B3GALT1: variants seen among roughly 807,000 people sequenced by gnomAD.
B3GALT1 encodes the protein beta-1,3-galactosyltransferase 1, also known as UDP-Gal:betaGlcNAc beta 1,3-galactosyltransferase, polypeptide 1.
A neutral mutation model predicts 23.2 loss-of-function variants in B3GALT1; 10 were observed. That is an observed-to-expected ratio of 0.43 (90% CI 0.27 to 0.73). The LOEUF is 0.73. Ranked by LOEUF, B3GALT1 falls within the 30% of genes least tolerant of loss-of-function variation. The probability of loss-of-function intolerance (pLI) is 0.21; values close to 1 mark genes in which losing one functional copy is unlikely to be tolerated. For synonymous variants in B3GALT1, 156 were observed against 141.5 expected, an observed-to-expected ratio of 1.10 and a Z score of -0.73; for missense variants, 299 against 405.4, an observed-to-expected ratio of 0.74 and a Z score of 2.25.
intron 1 of B3GALT1, among the ~76,000 whole-genome samples, chr2:167,333,264 T>G: frequency 6.6e-6 from 1 of 152,134 alleles, no homozygotes; most frequent in East Asian, 1.9e-4. Context: ...AACCCTAAAG[T>G]AATTATGCAG....
rs199980384 is a variant in B3GALT1, at chr2:167,429,567, A to AT, written c.-510-60601dup. Reference sequence around the variant, plus strand: ...GGGTAAATTATCTCAAATAGTGAAAATTTTTTTTTATTTAAAAGAAAAAAT... The same window carrying AT: ...GGGTAAATTATCTCAAATAGTGAAAATTTTTTTTTTATTTAAAAGAAAAAAT... On this transcript the variant is annotated intron_variant, in intron 1 of 4. Transcript: ENST00000392690. Among the ~76,000 whole-genome samples, 720 of 151,906 alleles carry AT rather than the reference A, an allele frequency of 4.7e-3. 5 individuals carry two copies. The highest frequency in any genetic ancestry group is 0.018 in the East Asian group (92 of 5,172).
At chr2:167,550,098 C>T (rs1463174242) in intron 2 of B3GALT1, among the ~76,000 whole-genome samples, 5 of 152,090 alleles carry the variant, frequency 3.3e-5, no homozygotes, top group African/African-American at 9.7e-5. Context: ...CTACGTTAAC[C>T]GTAACAGTTG....
At chr2:167,512,878 G>C (rs1031194831) in intron 2 of B3GALT1, among the ~76,000 whole-genome samples, 1 of 148,054 alleles carries the variant, frequency 6.8e-6, no homozygotes, top group Non-Finnish European at 1.5e-5. Context: ...TTATGAGCTC[G>C]TGTGATCTGC....
At chr2:167,601,054 CGTTTGTTT>C (rs112358987) in intron 2 of B3GALT1, among the ~76,000 whole-genome samples, 8,600 of 151,874 alleles carry the variant, frequency 0.057, 597 homozygotes, top group African/African-American at 0.16. Context: ...CTAGATCCTC[CGTTTGTTT>C]GTTTGTTTGT....
chr2:167,865,282 G>C (rs867367617), intron 4 of B3GALT1, among the ~76,000 whole-genome samples: 1 of 152,114 alleles, frequency 6.6e-6, no homozygotes, highest in Non-Finnish European at 1.5e-5. Context: ...GGTGGTGCAC[G>C]CCTGTAATCC....
At chr2:167,769,372 G>A (rs1688033520) in intron 3 of B3GALT1, among the ~76,000 whole-genome samples, 1 of 152,158 alleles carries the variant, frequency 6.6e-6, no homozygotes, top group South Asian at 2.1e-4. Context: ...ATCAATCTCA[G>A]TGCCTTCTTT....
intron 1 of B3GALT1, among the ~76,000 whole-genome samples, chr2:167,380,496 C>A (rs538217213): frequency 6.6e-6 from 1 of 152,250 alleles, no homozygotes; most frequent in East Asian, 1.9e-4. Flanking sequence ...GCTGTGGAAG[C>A]CCCTATTCCA....
chr2:167,459,419 C>T (rs1231902444), intron 1 of B3GALT1, among the ~76,000 whole-genome samples: 2 of 152,122 alleles, frequency 1.3e-5, no homozygotes, highest in Non-Finnish European at 2.9e-5. Context: ...CAACCCTTTT[C>T]CTGTTGTTGA....
intron 2 of B3GALT1, among the ~76,000 whole-genome samples, chr2:167,579,430 G>GTTTTTTTT (rs1553469287): frequency 9.4e-5 from 6 of 63,628 alleles, no homozygotes; most frequent in African/African-American, 3.6e-4. Flanking sequence ...GTTTTTTTTT[G>GTTTTTTTT]TCTTTTTTTT....
intron 2 of B3GALT1, among the ~76,000 whole-genome samples, chr2:167,515,652 G>A (rs923418585): frequency 6.6e-6 from 1 of 151,938 alleles, no homozygotes; most frequent in South Asian, 2.1e-4. Flanking sequence ...TGTATATTTT[G>A]TTTTGATCTT....
chr2:167,591,039 A>C (rs1381880864), intron 2 of B3GALT1, among the ~76,000 whole-genome samples: 2 of 152,222 alleles, frequency 1.3e-5, no homozygotes, highest in African/African-American at 4.8e-5. Context: ...TGAACAAAAC[A>C]GGCCAAAATC....
chr2:167,753,958 C>T (rs1487847424), intron 3 of B3GALT1, among the ~76,000 whole-genome samples: 2 of 152,162 alleles, frequency 1.3e-5, no homozygotes, highest in African/African-American at 4.8e-5. Context: ...AGACAATGAA[C>T]TGTTATTATG....
chr2:167,383,870 A>G (rs1240711118), intron 1 of B3GALT1, among the ~76,000 whole-genome samples: 1 of 152,196 alleles, frequency 6.6e-6, no homozygotes, highest in Non-Finnish European at 1.5e-5. Flanking sequence ...CTTCTTCCGC[A>G]TTTCAAGTTT....
At chr2:167,793,243 G>A (rs776506585) in intron 3 of B3GALT1, among the ~76,000 whole-genome samples, 5 of 152,074 alleles carry the variant, frequency 3.3e-5, no homozygotes, top group Non-Finnish European at 7.4e-5. Context: ...AGGGAGCATC[G>A]TGCACCTAGT....
chr2:167,857,706 G>C (rs1690023713), intron 4 of B3GALT1, among the ~76,000 whole-genome samples: 1 of 151,988 alleles, frequency 6.6e-6, no homozygotes, highest in African/African-American at 2.4e-5. Flanking sequence ...TACTAATTTA[G>C]GAAAATTGTA....
At chr2:167,786,857 A>G (rs1259292288) in intron 3 of B3GALT1, among the ~76,000 whole-genome samples, 1 of 152,190 alleles carries the variant, frequency 6.6e-6, no homozygotes, top group Non-Finnish European at 1.5e-5. Context: ...TCCATGCGTG[A>G]GTCCATTCCC....
chr2:167,406,595 T>C (rs565235493), intron 1 of B3GALT1, among the ~76,000 whole-genome samples: 6 of 152,268 alleles, frequency 3.9e-5, no homozygotes, highest in Non-Finnish European at 5.9e-5. Flanking sequence ...CCCCACCTTC[T>C]TGGGTTCCCA....
At chr2:167,710,061 A>G (rs1165907553) in intron 3 of B3GALT1, among the ~76,000 whole-genome samples, 1 of 152,200 alleles carries the variant, frequency 6.6e-6, no homozygotes, top group African/African-American at 2.4e-5. Flanking sequence ...AATTATTCAA[A>G]TAAAGGAAAG....
chr2:167,869,887 G>A lies in B3GALT1; in HGVS notation c.848G>A (p.Ser283Asn), dbSNP rs1396621571. ...CTGGGCATACATCCTTTCCAGAACAGTGGCTTCAATCACTGGAAAATGGCC... is the reference window on the plus strand; with the variant it reads ...CTGGGCATACATCCTTTCCAGAACAATGGCTTCAATCACTGGAAAATGGCC... ...RKLGIHPFQNSGFNHWKMAYS... is the reference protein window; with the variant it reads ...RKLGIHPFQNNGFNHWKMAYS... Residue 283 changes from serine to asparagine, a missense_variant, in exon 5 of 5, where the codon AGT becomes AAT. By Grantham distance (46) the Ser-to-Asn change is conservative. Around this residue, in one of 3 missense-constraint regions of B3GALT1, gnomAD observed 133 missense variants for 204.8 expected, o/e 0.65. Coordinates refer to ENST00000392690, the MANE Select transcript of B3GALT1 (RefSeq NM_020981.4). This position sits in a 1 kb window ranked among gnomAD's most constrained non-coding sequence, Gnocchi z 6.4. 3.1e-6 allele frequency: 5 copies of A among 1,614,218 alleles called. No individual in the cohort carries two copies. The highest frequency in any genetic ancestry group is 4.2e-6 in the Non-Finnish European group (5 of 1,180,040).
Sources: allele counts gnomAD v4.1 joint callset (sites outside exome capture counted in the v4.1 genomes callset), GRCh38; gene constraint gnomAD v4.1.1; regional missense constraint gnomAD v4.1.1; non-coding constraint Gnocchi (gnomAD v3.1); transcripts MANE v1.5; gene names NCBI Gene and HGNC (gene_info 2026-07-23, HGNC 2026-07-21).